The following TTN variants were observed in gnomAD, a reference collection of about 807,000 sequenced individuals.
TTN encodes the protein titin.
A neutral mutation model predicts 3,223.0 loss-of-function variants in TTN; 1,525 were observed. The ratio of observed to expected loss-of-function variants is 0.47; its 90% CI spans 0.45 to 0.49. The LOEUF is 0.49. Among genes scored for constraint, TTN ranks in the 20% least tolerant of loss-of-function variants. The pLI is 0.00. For synonymous variants in TTN, 14,094 were observed against 15,161.0 expected, an observed-to-expected ratio of 0.93 and a Z score of 5.17; for missense variants, 40,786 against 43,424.0, an observed-to-expected ratio of 0.94 and a Z score of 5.40.
At chr2:178,757,267 T>C (rs533797229) in intron 45 of TTN, among the ~76,000 whole-genome samples, 1 of 151,588 alleles carries the variant, frequency 6.6e-6, no homozygotes, top group Admixed American at 6.6e-5. Flanking sequence ...AATGATACAA[T>C]ATTGCTTAGA....
intron 37 of TTN, among the ~76,000 whole-genome samples, chr2:178,769,233 C>T (rs890824296): frequency 2.6e-5 from 4 of 151,192 alleles, no homozygotes; most frequent in Admixed American, 6.6e-5. Context: ...TAACCACATA[C>T]TAGATGTTTC....
At chr2:178,613,970 T>C (rs531233537) in intron 262 of TTN, 33 bp from the exon 263 acceptor site, 3 of 1,607,468 alleles carry the variant, frequency 1.9e-6, no homozygotes, top group East Asian at 4.5e-5. Flanking sequence ...AAATGTTATA[T>C]GTCCTGTATA....
At position 178,731,953 on chromosome 2, in the gene TTN, T is replaced by G; in HGVS notation, c.16922A>C (p.Lys5641Thr). 1 of 1,607,698 alleles carries G rather than the reference T, an allele frequency of 6.2e-7. No individual in the cohort carries two copies. The highest frequency in any genetic ancestry group is 8.5e-7 in the Non-Finnish European group (1 of 1,175,106). ...TAAGACTTCAATTGGCTTAAATTCC[T>G]TGGTAAAATAAGGTGACTCTACAGT... The part of the protein sequence containing the change: ...VIVKESPYFT[K>T]EFKPIEVLKE... Residue 5641 changes from lysine to threonine, a missense_variant, in exon 58 of 363, where the codon AAG becomes ACG. Transcript: ENST00000589042.
At position 178,689,814 on chromosome 2, in the gene TTN, T is replaced by C. The variant is rs1420135069; in HGVS notation, c.31845A>G (p.Lys10615=). Residue 10615 remains lysine (K), a splice_region_variant and synonymous_variant, in exon 122 of 363, where the codon AAA becomes AAG. Coordinates refer to ENST00000589042, the MANE Select transcript of TTN (RefSeq NM_001267550.2). ...VAKKKEAPPA[K]VPEVQKGVVT... is the part of the protein sequence containing the mutation. ...GCTTTACGTCGAAAGCCACTGTACCTTTAGCTGGGGGAGCTTCCTTTTTCT... is the reference window on the plus strand; with the variant it reads ...GCTTTACGTCGAAAGCCACTGTACCCTTAGCTGGGGGAGCTTCCTTTTTCT... 1 of 1,608,268 alleles carries C rather than the reference T, an allele frequency of 6.2e-7. No individual in the cohort carries two copies. The highest frequency in any genetic ancestry group is 8.5e-7 in the Non-Finnish European group (1 of 1,178,478).
At position 178,711,337 on chromosome 2, in the gene TTN, G is replaced by A; in HGVS notation, c.27899C>T (p.Pro9300Leu). ...TCTCAATTGTCGAGAAAATGATGGTGGAAGTTTTTGCTCTGTAGGAACAGA... is the reference window on the plus strand; with the variant it reads ...TCTCAATTGTCGAGAAAATGATGGTAGAAGTTTTTGCTCTGTAGGAACAGA... Reference protein sequence around the residue: ...TFLTVQEQKLPPSFSRQLRDV... With the variant: ...TFLTVQEQKLLPSFSRQLRDV... Residue 9300 changes from proline (P) to leucine (L), a missense_variant, in exon 97 of 363, where the codon CCA becomes CTA. By Grantham distance (98) the Pro-to-Leu change is moderately conservative. Transcript: ENST00000589042. 2 of 1,602,594 alleles carry A rather than the reference G, an allele frequency of 1.2e-6. No individual in the cohort carries two copies. The highest frequency in any genetic ancestry group is 1.1e-5 in the South Asian group (1 of 88,984).
chr2:178,605,331 T>G, intron 279 of TTN, 36 bp from the exon 280 acceptor site: 1 of 1,535,600 alleles, frequency 6.5e-7, no homozygotes, highest in East Asian at 2.3e-5. Context: ...AGTAACAAAG[T>G]CATAAGGATG....
chr2:178,727,072 C>T lies in TTN; in HGVS notation c.20275+18G>A. ...GGTGGTTTTCATTTAATGAGAAACA[C>T]AAGAACAAGATGTCTACCTTTTACT... On this transcript the variant is annotated intron_variant, in intron 69 of 362. Transcript: ENST00000589042. 7.0e-7 allele frequency: 1 copy of T among 1,435,790 alleles called. No homozygotes were observed. The highest frequency in any genetic ancestry group is 9.2e-7 in the Non-Finnish European group (1 of 1,087,770). The allele number at this position is 1,435,790 out of a possible 1,614,324, so 88.9% of individuals were successfully genotyped here. A position where few individuals can be genotyped will look rare whatever the true frequency, so the allele number is the denominator to read the frequency against.
intron 282 of TTN, 25 bp from the exon 283 acceptor site, chr2:178,602,615 C>A: frequency 1.4e-6 from 2 of 1,453,758 alleles, no homozygotes; most frequent in South Asian, 1.5e-5. Flanking sequence ...AAAAAAAAAG[C>A]TTCATCAGAT....
Position 178,605,399 on chromosome 2 carries a change from A to G in TTN, c.53881+15T>C. The G allele has an allele frequency of 6.4e-7, 1 of 1,562,476 alleles. No homozygotes were observed. Among genetic ancestry groups the G allele is most frequent in the Non-Finnish European group, 8.6e-7 (1 of 1,156,320 alleles). On this transcript the variant is annotated intron_variant, in intron 279 of 362. Coordinates refer to ENST00000589042, the MANE Select transcript of TTN (RefSeq NM_001267550.2). Reference sequence around the variant, plus strand: ...TAAAATGCATTAAAATTATTATTATATTCAGATTCCGCACCTTCATCATCT... The same window carrying G: ...TAAAATGCATTAAAATTATTATTATGTTCAGATTCCGCACCTTCATCATCT...
chr2:178,682,374 C>A (rs181723851), intron 135 of TTN, among the ~76,000 whole-genome samples: 1 of 151,922 alleles, frequency 6.6e-6, no homozygotes, highest in African/African-American at 2.4e-5. Context: ...AGAATGATCA[C>A]GGGCACTTGA....
chr2:178,765,406 G>A (rs1312433067), intron 41 of TTN, among the ~76,000 whole-genome samples: 2 of 152,178 alleles, frequency 1.3e-5, no homozygotes, highest in African/African-American at 4.8e-5. Flanking sequence ...TCTCAGTGCT[G>A]TGATGAGTGA....
At chr2:178,789,745 A>C (rs1473474135) in intron 12 of TTN, among the ~76,000 whole-genome samples, 4 of 152,214 alleles carry the variant, frequency 2.6e-5, no homozygotes. Flanking sequence ...AAAAATGCTA[A>C]TCTTCATGCA....
chr2:178,563,551 C>T lies in TTN; in HGVS notation c.82581G>A (p.Leu27527=). Residue 27527 remains leucine (L), a synonymous_variant, in exon 326 of 363, where the codon CTG becomes CTA. Coordinates refer to ENST00000589042, the MANE Select transcript of TTN (RefSeq NM_001267550.2). The surrounding 1 kb of genome is among the most constrained non-coding windows in gnomAD (Gnocchi z 4.5). ...TKCNKKTLTD[L]RLRVTGLTEG... ...CGGTAAGACCAGTTACCCTGAGCCGCAGATCCGTTAATGTTTTCTTGTTGC... is the reference window on the plus strand; with the variant it reads ...CGGTAAGACCAGTTACCCTGAGCCGTAGATCCGTTAATGTTTTCTTGTTGC... The T allele has an allele frequency of 6.2e-7, 1 of 1,613,814 alleles. No homozygotes were observed. Among genetic ancestry groups the T allele is most frequent in the Non-Finnish European group, 8.5e-7 (1 of 1,179,760 alleles).
Position 178,609,979 on chromosome 2 carries a change from A to C in TTN, c.51444T>G (p.Pro17148=), listed in dbSNP as rs1320673591. The C allele has an allele frequency of 2.5e-6, 4 of 1,610,908 alleles. No homozygotes were observed. The highest frequency in any genetic ancestry group is 3.4e-6 in the Non-Finnish European group (4 of 1,178,730). Residue 17148 remains proline (P), a synonymous_variant, in exon 272 of 363, where the codon CCT becomes CCG. Coordinates refer to ENST00000589042, the MANE Select transcript of TTN (RefSeq NM_001267550.2). ...PVIAQDPKQP[P]DPPVDVEVHN... ...GAACCTCTACATCTACAGGTGGATC[A>C]GGGGGTTCTGAAGAACAAGAAAAAA...
At chr2:178,699,723 ATTT>A (rs58607203) in intron 111 of TTN, among the ~76,000 whole-genome samples, 7 of 58,146 alleles carry the variant, frequency 1.2e-4, no homozygotes, top group Admixed American at 2.1e-4. Flanking sequence ...CTCTTTTTTA[ATTT>A]TTTTTTTTTT....
Position 178,532,093 on chromosome 2 carries a change from C to T in TTN, c.104522G>A (p.Arg34841His), listed in dbSNP as rs373709706. The change falls in exon 358 of 363, where the codon CGC becomes CAC. Residue 34841 changes from arginine (R) to histidine (H), a missense_variant. Coordinates refer to ENST00000589042, the MANE Select transcript of TTN (RefSeq NM_001267550.2). ...CTCAATATAAGTTGGAGACAGGGAG[C>T]GCCGTCGTCTCAGTAGTCTAGACGC... ...SSASRLLRRR[R>H]SLSPTYIELM... 259 of 1,613,730 alleles carry T rather than the reference C, an allele frequency of 1.6e-4. No individual in the cohort carries two copies. Among genetic ancestry groups the T allele is most frequent in the Non-Finnish European group, 2.1e-4 (247 of 1,179,858 alleles).
In TTN at chr2:178,578,787, C is replaced by T. The variant is rs2047039292; in HGVS notation, c.68224+19G>A. Reference sequence around the variant, plus strand: ...AAAACCGTGTTTTGCTTTACGTCTTCTGAATTTAAGACACTTACCAAATGG... The same window carrying T: ...AAAACCGTGTTTTGCTTTACGTCTTTTGAATTTAAGACACTTACCAAATGG... On this transcript the variant is annotated intron_variant, in intron 320 of 362. Coordinates refer to ENST00000589042, the MANE Select transcript of TTN (RefSeq NM_001267550.2). 1.2e-6 allele frequency: 2 copies of T among 1,606,288 alleles called. No individual in the cohort carries two copies. The highest frequency in any genetic ancestry group is 1.7e-6 in the Non-Finnish European group (2 of 1,177,128).
At position 178,602,155 on chromosome 2, in the gene TTN, A is replaced by G; in HGVS notation, c.55121-5T>C. 11 of 1,600,872 alleles carry G rather than the reference A, an allele frequency of 6.9e-6. No individual in the cohort carries two copies. Among genetic ancestry groups the G allele is most frequent in the Non-Finnish European group, 6.8e-6 (8 of 1,173,772 alleles). On this transcript the variant is annotated splice_polypyrimidine_tract_variant and splice_region_variant and intron_variant, in intron 283 of 362. Coordinates refer to ENST00000589042, the MANE Select transcript of TTN (RefSeq NM_001267550.2). ...CAATGAAAACTTCTGGTTCCTCTGT[A>G]ATACCACATACAATTTAACAGGATT...
In TTN at chr2:178,605,445, T is replaced by G. The variant is rs1334197703; in HGVS notation, c.53850A>C (p.Leu17950=). ...CATCTTGTATGACTACATTAAGAGG[T>G]AGGGATGGTTCACTTTCACCAATTT... ...VNEIGESEPS[L]PLNVVIQDDE... Residue 17950 remains leucine (L), a synonymous_variant, in exon 279 of 363, where the codon CTA becomes CTC. Transcript: ENST00000589042. 3 of 1,609,450 alleles carry G rather than the reference T, an allele frequency of 1.9e-6. No homozygotes were observed. Among genetic ancestry groups the G allele is most frequent in the Non-Finnish European group, 2.5e-6 (3 of 1,177,296 alleles).
Sources: gnomAD v4.1 joint callset for allele counts (sites outside exome capture counted in the v4.1 genomes callset) on GRCh38, gnomAD v4.1.1 for gene constraint, Gnocchi (gnomAD v3.1) non-coding constraint, MANE v1.5 for transcripts, NCBI Gene and HGNC (gene_info 2026-07-23, HGNC 2026-07-21) for gene names.